UBASH3B: variants seen among roughly 807,000 people sequenced by gnomAD.
UBASH3B encodes ubiquitin associated and SH3 domain containing B, also known as ubiquitin-associated and SH3 domain-containing protein B.
Under a neutral mutation model 83.4 loss-of-function variants are expected in UBASH3B, and 37 were observed. That is an observed-to-expected ratio of 0.44 (90% CI 0.34 to 0.58). The LOEUF is 0.58. Ranked by LOEUF, UBASH3B falls within the 20% of genes least tolerant of loss-of-function variation. The probability of loss-of-function intolerance (pLI) is 0.01; values close to 1 mark genes in which losing one functional copy is unlikely to be tolerated. For synonymous variants in UBASH3B, 304 were observed against 318.3 expected (o/e 0.96, Z 0.48); for missense variants, 657 against 827.2 (o/e 0.79, Z 2.52).
At chr11:122,681,775 G>GA (rs1470809864) in intron 1 of UBASH3B, among the ~76,000 whole-genome samples, 2 of 151,984 alleles carry the variant, frequency 1.3e-5, no homozygotes, top group African/African-American at 2.4e-5. Flanking sequence ...TTCAGGGTTT[G>GA]AAAAAAAGAT....
intron 1 of UBASH3B, among the ~76,000 whole-genome samples, chr11:122,736,732 A>G (rs1484215080): frequency 1.3e-5 from 2 of 151,976 alleles, no homozygotes; most frequent in Non-Finnish European, 2.9e-5. Flanking sequence ...GCAGGGTGTC[A>G]TGAGAATGTG....
At chr11:122,788,980 T>C in intron 5 of UBASH3B, 120 bp from the exon 6 acceptor site, 1 of 887,116 alleles carries the variant, frequency 1.1e-6, no homozygotes, top group Non-Finnish European at 1.8e-6. Flanking sequence ...CCCCAAGGGC[T>C]CCTGGGCACA....
At chr11:122,734,113 C>T (rs1860893037) in intron 1 of UBASH3B, among the ~76,000 whole-genome samples, 1 of 152,322 alleles carries the variant, frequency 6.6e-6, no homozygotes, top group South Asian at 2.1e-4. Context: ...TCTTGAACTC[C>T]TGACTTCAGG....
intron 2 of UBASH3B, 115 bp downstream of exon 2, chr11:122,776,387 CA>C: frequency 3.2e-6 from 3 of 946,848 alleles, no homozygotes; most frequent in Non-Finnish European, 4.6e-6. Flanking sequence ...AGACAGGAGC[CA>C]AAAGACTGTG....
At chr11:122,731,116 A>G (rs1860837287) in intron 1 of UBASH3B, among the ~76,000 whole-genome samples, 1 of 152,180 alleles carries the variant, frequency 6.6e-6, no homozygotes, top group Non-Finnish European at 1.5e-5. Context: ...CACCAGACCC[A>G]ATTGTGCCAA....
intron 1 of UBASH3B, among the ~76,000 whole-genome samples, chr11:122,757,693 C>A (rs1279177346): frequency 2.1e-5 from 3 of 146,134 alleles, no homozygotes; most frequent in Non-Finnish European, 4.5e-5. Flanking sequence ...AATGGGAAGA[C>A]AAGACCTTCT....
intron 1 of UBASH3B, among the ~76,000 whole-genome samples, chr11:122,713,745 CAAAA>C (rs34816613): frequency 1.8e-5 from 2 of 109,016 alleles, no homozygotes; most frequent in Admixed American, 1.0e-4. Context: ...GACTCCATCT[CAAAA>C]AAAAAAAAAA....
chr11:122,694,954 C>T (rs934924197), intron 1 of UBASH3B, among the ~76,000 whole-genome samples: 99 of 50,320 alleles, frequency 2.0e-3, no homozygotes, highest in South Asian at 4.9e-3. Flanking sequence ...TCTTTTCTTT[C>T]TTTTTTTTTT....
chr11:122,657,782 G>A (rs1302528019), intron 1 of UBASH3B, among the ~76,000 whole-genome samples: 1 of 152,158 alleles, frequency 6.6e-6, no homozygotes, highest in African/African-American at 2.4e-5. Context: ...TAGGGCTCCA[G>A]TTCCTGATAC....
chr11:122,742,990 C>T (rs1565548707), intron 1 of UBASH3B, among the ~76,000 whole-genome samples: 2 of 152,296 alleles, frequency 1.3e-5, no homozygotes, highest in East Asian at 3.9e-4. Context: ...GTGAGTGCCT[C>T]CATGGCCCAC....
At chr11:122,723,123 GCTC>G (rs1451722592) in intron 1 of UBASH3B, among the ~76,000 whole-genome samples, 2 of 152,080 alleles carry the variant, frequency 1.3e-5, no homozygotes, top group South Asian at 4.1e-4. Flanking sequence ...AGATTCCTGG[GCTC>G]CTCCTGGCGA....
chr11:122,784,158 T>G (rs1245908438), intron 5 of UBASH3B, among the ~76,000 whole-genome samples: 1 of 152,128 alleles, frequency 6.6e-6, no homozygotes, highest in Non-Finnish European at 1.5e-5. Context: ...GCCAGACTGG[T>G]CTTGATCTCA....
At chr11:122,712,247 T>A (rs1864203650) in intron 1 of UBASH3B, among the ~76,000 whole-genome samples, 1 of 152,204 alleles carries the variant, frequency 6.6e-6, no homozygotes, top group African/African-American at 2.4e-5. Context: ...GATAAGTTTA[T>A]GAGCACTATA....
rs181883895 is a variant in UBASH3B at position 122,761,097 on chromosome 11, C to A, written c.162-15122C>A. Among the ~76,000 whole-genome samples the A allele has an allele frequency of 1.8e-3, 268 of 152,308 alleles. 1 individual carries two copies. The Middle Eastern group carries it at 0.02, about 12-fold the overall frequency. ...AGTCTGGTTTGGAGGAGTTTCAAAT[C>A]TTCACGAGAGTGTCAGTTGGCAGGG... On this transcript the variant is annotated intron_variant, in intron 1 of 13. Coordinates refer to ENST00000284273, the MANE Select transcript of UBASH3B (RefSeq NM_032873.5).
intron 1 of UBASH3B, among the ~76,000 whole-genome samples, chr11:122,734,031 G>A (rs1471271413): frequency 6.6e-6 from 1 of 152,096 alleles, no homozygotes; most frequent in African/African-American, 2.4e-5. Context: ...GACTACAAGT[G>A]TGCACCACCA....
intron 1 of UBASH3B, among the ~76,000 whole-genome samples, chr11:122,739,126 TA>T (rs1860983720): frequency 6.6e-6 from 1 of 152,076 alleles, no homozygotes; most frequent in African/African-American, 2.4e-5. Flanking sequence ...GCCTCCTGAG[TA>T]GCTGAGACTA....
At chr11:122,730,020 C>T (rs1860815353) in intron 1 of UBASH3B, among the ~76,000 whole-genome samples, 1 of 139,180 alleles carries the variant, frequency 7.2e-6, no homozygotes, top group African/African-American at 2.7e-5. Flanking sequence ...GGTGCAGTGG[C>T]TCACACCTGT....
intron 1 of UBASH3B, among the ~76,000 whole-genome samples, chr11:122,702,439 A>G (rs1469483250): frequency 6.6e-6 from 1 of 152,058 alleles, no homozygotes; most frequent in African/African-American, 2.4e-5. Context: ...GTCAGATTGG[A>G]GATTTCAGAG....
intron 1 of UBASH3B, among the ~76,000 whole-genome samples, chr11:122,659,883 C>G (rs7115089): frequency 0.39 from 58,770 of 151,772 alleles, 11,574 homozygotes; most frequent in African/African-American, 0.43. Flanking sequence ...GTGTGCGGCA[C>G]CAAGAAGGGG....
Sources: gnomAD v4.1 joint callset for allele counts (sites outside exome capture counted in the v4.1 genomes callset) on GRCh38, gnomAD v4.1.1 for gene constraint, MANE v1.5 for transcripts, NCBI Gene and HGNC (gene_info 2026-07-23, HGNC 2026-07-21) for gene names.